Variants in RGS5 observed in about 807,000 individuals in gnomAD.
RGS5 encodes regulator of G protein signaling 5, also known as regulator of G-protein signalling 5.
In RGS5, 20 loss-of-function variants were observed where a neutral mutation model predicts 18.9. The ratio of observed to expected loss-of-function variants is 1.06; its 90% CI spans 0.74 to 1.54. The LOEUF is 1.54. RGS5 is among the 40% of genes most tolerant of loss of function. The pLI is 0.00. For synonymous variants in RGS5, 57 were observed against 76.2 expected, an observed-to-expected ratio of 0.75 and a Z score of 1.31; for missense variants, 201 against 211.8, an observed-to-expected ratio of 0.95 and a Z score of 0.32.
chr1:163,306,435 T>A (rs904128462), intron 1 of RGS5: 7 of 152,124 alleles, frequency 4.6e-5, no homozygotes, highest in Non-Finnish European at 7.4e-5. Context: ...GAGGTAAAAA[T>A]CCAGGAATTG....
At chr1:163,252,431 T>C (rs563767405) in intron 2 of RGS5, among the ~76,000 whole-genome samples, 1 of 152,212 alleles carries the variant, frequency 6.6e-6, no homozygotes, top group South Asian at 2.1e-4. Context: ...CTTTAAAAAA[T>C]TAATTTAACT....
At chr1:163,230,289 T>C (rs1327781724) in intron 2 of RGS5, among the ~76,000 whole-genome samples, 1 of 152,212 alleles carries the variant, frequency 6.6e-6, no homozygotes, top group East Asian at 1.9e-4. Context: ...ATAAGATTTT[T>C]GTGAACATTG....
intron 3 of RGS5, 32 bp downstream of exon 3, chr1:163,161,883 T>A (rs1183400439): frequency 6.3e-7 from 1 of 1,579,960 alleles, no homozygotes; most frequent in African/African-American, 1.3e-5. Flanking sequence ...TAACCTGACC[T>A]TTATTTAAAA....
At chr1:163,158,881 G>A (rs1557882430) in intron 3 of RGS5, among the ~76,000 whole-genome samples, 2 of 152,126 alleles carry the variant, frequency 1.3e-5, no homozygotes, top group South Asian at 2.1e-4. Flanking sequence ...GGAGCGCTAC[G>A]GGAGACTGGG....
chr1:163,272,789 T>C (rs1225609316), intron 2 of RGS5, among the ~76,000 whole-genome samples: 4 of 152,130 alleles, frequency 2.6e-5, no homozygotes, highest in South Asian at 2.1e-4. Context: ...TTGATCTATA[T>C]ACCTATCTTT....
intron 2 of RGS5, among the ~76,000 whole-genome samples, chr1:163,274,384 C>A (rs540115363): frequency 6.6e-6 from 1 of 152,186 alleles, no homozygotes; most frequent in Admixed American, 6.5e-5. Context: ...TGCATTCATA[C>A]GCCAAAAGGG....
At chr1:163,248,885 T>C (rs1648023736) in intron 2 of RGS5, among the ~76,000 whole-genome samples, 1 of 152,160 alleles carries the variant, frequency 6.6e-6, no homozygotes, top group Non-Finnish European at 1.5e-5. Flanking sequence ...TTGAGCCCAA[T>C]TTACTCACCC....
At chr1:163,174,777 G>A (rs1421194980) in intron 1 of RGS5, among the ~76,000 whole-genome samples, 1 of 152,178 alleles carries the variant, frequency 6.6e-6, no homozygotes, top group Admixed American at 6.5e-5. Flanking sequence ...CTGGGGCATA[G>A]GCTATTCCTG....
At chr1:163,308,222 T>C (rs1557938137) in intron 1 of RGS5, among the ~76,000 whole-genome samples, 2 of 152,342 alleles carry the variant, frequency 1.3e-5, no homozygotes, top group Non-Finnish European at 1.5e-5. Flanking sequence ...TTTTACATAT[T>C]AGTTCAGATT....
intron 2 of RGS5, among the ~76,000 whole-genome samples, chr1:163,227,338 AT>A (rs1384094372): frequency 1.3e-5 from 2 of 152,210 alleles, no homozygotes; most frequent in Admixed American, 6.5e-5. Context: ...GAAACTTATA[AT>A]CATGGCATAA....
chr1:163,206,891 A>G (rs1369564330), upstream of RGS5: 1 of 152,212 alleles, frequency 6.6e-6, no homozygotes, highest in African/African-American at 2.4e-5. Context: ...CATAAAAAGT[A>G]TATAGTAATT....
intron 3 of RGS5, among the ~76,000 whole-genome samples, chr1:163,159,592 T>C (rs2102390813): frequency 6.6e-6 from 1 of 152,282 alleles, no homozygotes; most frequent in Non-Finnish European, 1.5e-5. Flanking sequence ...ACCATAACCC[T>C]TCTTTTTTAG....
intron 2 of RGS5, among the ~76,000 whole-genome samples, chr1:163,264,252 CT>C (rs1648523237): frequency 6.6e-6 from 1 of 152,096 alleles, no homozygotes; most frequent in Non-Finnish European, 1.5e-5. Context: ...AACATGAGAT[CT>C]GAAGTCAGAA....
intron 2 of RGS5, among the ~76,000 whole-genome samples, chr1:163,243,586 G>A (rs7548194): frequency 1.5e-3 from 217 of 140,824 alleles, no homozygotes; most frequent in African/African-American, 5.5e-3. Context: ...GGCGGAGCTT[G>A]CAGCCAGAGA....
At chr1:163,303,201 A>C (rs1649596736) in intron 2 of RGS5, among the ~76,000 whole-genome samples, 1 of 152,224 alleles carries the variant, frequency 6.6e-6, no homozygotes, top group Non-Finnish European at 1.5e-5. Context: ...TTCATTCTTT[A>C]TGTAAAATTC....
At chr1:163,187,410 G>C (rs1571262167) in intron 1 of RGS5, among the ~76,000 whole-genome samples, 2 of 152,104 alleles carry the variant, frequency 1.3e-5, no homozygotes, top group African/African-American at 4.8e-5. Context: ...CTCAGCCTTT[G>C]TTACAGTCTT....
At chr1:163,310,720 G>A (rs887294544) in intron 1 of RGS5, among the ~76,000 whole-genome samples, 2 of 152,052 alleles carry the variant, frequency 1.3e-5, no homozygotes, top group Non-Finnish European at 2.9e-5. Context: ...TTCTGCCTTA[G>A]CACTTGCTGC....
chr1:163,278,303 C>G (rs191153279), intron 2 of RGS5, among the ~76,000 whole-genome samples: 34 of 152,188 alleles, frequency 2.2e-4, no homozygotes, highest in Admixed American at 1.8e-3. Context: ...ATCAGACTAA[C>G]AGATTTCTCA....
Position 163,152,450 on chromosome 1 carries a change from A to G in RGS5, c.384+100T>C, listed in dbSNP as rs1205698459. 3.1e-6 allele frequency: 4 copies of G among 1,274,816 alleles called. No homozygotes were observed. In the Admixed American group the frequency reaches 9.2e-5, roughly 29 times the overall value. 79.0% of individuals were successfully genotyped at this position (1,274,816 alleles called of 1,614,324 possible). A position where few individuals can be genotyped will look rare whatever the true frequency, so the allele number is the denominator to read the frequency against. ...TAAGGTGGTCGACTCACAAATAGGA[A>G]TAGCCTTTGGCTCCCAACGGGAGGT... On this transcript the variant is annotated intron_variant, in intron 4 of 4. Coordinates refer to ENST00000313961, the MANE Select transcript of RGS5 (RefSeq NM_003617.4).
Sources: gnomAD v4.1 joint callset for allele counts (sites outside exome capture counted in the v4.1 genomes callset) on GRCh38, gnomAD v4.1.1 for gene constraint, MANE v1.5 for transcripts, NCBI Gene and HGNC (gene_info 2026-07-23, HGNC 2026-07-21) for gene names.